NAF1: variants seen among roughly 807,000 people sequenced by gnomAD.
NAF1 encodes the protein nuclear assembly factor 1 ribonucleoprotein, also known as H/ACA ribonucleoprotein complex non-core subunit NAF1.
A neutral mutation model predicts 40.6 loss-of-function variants in NAF1; 11 were observed. That is an observed-to-expected ratio of 0.27 (90% CI 0.17 to 0.45). NAF1 has a LOEUF of 0.45. Ranked by LOEUF, NAF1 falls within the 20% of genes least tolerant of loss-of-function variation. The probability of loss-of-function intolerance (pLI) is 1.00; values close to 1 mark genes in which losing one functional copy is unlikely to be tolerated. For synonymous variants in NAF1, 260 were observed against 228.5 expected (o/e 1.14, Z -1.24); for missense variants, 607 against 611.1 (o/e 0.99, Z 0.07).
At chr4:163,134,878 T>C (rs893167524) in intron 6 of NAF1, 1 of 152,188 alleles carries the variant, frequency 6.6e-6, no homozygotes, top group Non-Finnish European at 1.5e-5. Context: ...TTTAAATAAT[T>C]GAACATCATC....
At chr4:163,125,875 G>A (rs1254657680), downstream of NAF1, among the ~76,000 whole-genome samples, 2 of 152,164 alleles carry the variant, frequency 1.3e-5, no homozygotes, top group Non-Finnish European at 2.9e-5. Flanking sequence ...TGAAGCCAAT[G>A]CTCATTTACA....
In NAF1 at chr4:163,137,343, G is replaced by A. The variant is rs544680489; in HGVS notation, c.879-93C>T. On this transcript the variant is annotated intron_variant, in intron 5 of 7. Transcript: ENST00000274054. ...AAGTACAGAAAATAATAAAGTAAAG[G>A]ACATGAGTTCAACCTTTAATTTTGC... 24 of 1,344,988 alleles carry A rather than the reference G, an allele frequency of 1.8e-5. No homozygotes were observed. In the African/African-American group the frequency reaches 3.0e-4, roughly 17 times the overall value. The allele number at this position is 1,344,988 out of a possible 1,614,324, so 83.3% of individuals were successfully genotyped here.
chr4:163,116,434 T>C (rs570946082), intron 2 of NAF1, among the ~76,000 whole-genome samples: 52 of 152,298 alleles, frequency 3.4e-4, no homozygotes, highest in Middle Eastern at 6.8e-3. Context: ...TATTAAGGCA[T>C]ATATGGGTAT....
intron 2 of NAF1, among the ~76,000 whole-genome samples, chr4:163,153,096 G>A (rs1007268422): frequency 1.2e-4 from 18 of 152,326 alleles, no homozygotes; most frequent in African/African-American, 3.6e-4. Flanking sequence ...GGCAGGGCTC[G>A]GGACCTGCAG....
At chr4:163,136,874 AAAT>A (rs1437038608) in intron 6 of NAF1, among the ~76,000 whole-genome samples, 1 of 152,220 alleles carries the variant, frequency 6.6e-6, no homozygotes, top group Non-Finnish European at 1.5e-5. Flanking sequence ...AATTTTTAAA[AAAT>A]AATGACAGCC....
chr4:163,125,661 A>T (rs990933418), downstream of NAF1, among the ~76,000 whole-genome samples: 3 of 152,230 alleles, frequency 2.0e-5, no homozygotes, highest in Non-Finnish European at 2.9e-5. Flanking sequence ...TGCAAGATGA[A>T]GCTGTAAGTT....
chr4:163,118,501 C>T (rs187770423), intron 2 of NAF1, among the ~76,000 whole-genome samples: 139 of 152,222 alleles, frequency 9.1e-4, no homozygotes, highest in African/African-American at 3.1e-3. Context: ...GCCTGTAATC[C>T]CAGCACTTTG....
chr4:163,159,307 G>A (rs1202000645), intron 2 of NAF1, among the ~76,000 whole-genome samples: 1 of 152,024 alleles, frequency 6.6e-6, no homozygotes, highest in Non-Finnish European at 1.5e-5. Flanking sequence ...AATGAAAAAT[G>A]ATCTTAAGTA....
intron 2 of NAF1, among the ~76,000 whole-genome samples, chr4:163,153,147 G>C (rs1395057309): frequency 6.6e-6 from 1 of 152,210 alleles, no homozygotes; most frequent in African/African-American, 2.4e-5. Context: ...GTGGGTTCCT[G>C]TGCAGCCCGA....
downstream of NAF1, among the ~76,000 whole-genome samples, chr4:163,127,670 T>C (rs910667888): frequency 4.6e-5 from 7 of 152,184 alleles, no homozygotes; most frequent in African/African-American, 1.4e-4. Context: ...AAAGTACTCA[T>C]ATGATAAAGT....
rs757148445 is a variant in NAF1 at position 163,137,172 on chromosome 4, A to G, written c.930+27T>C. 3.7e-6 allele frequency: 6 copies of G among 1,611,282 alleles called. No homozygotes were observed. In the South Asian group the frequency reaches 6.6e-5, roughly 18 times the overall value. ...ATTAAGTCCTGCCCTACTTTATAAA[A>G]TGTTGCATAAAAAGACTTATACTTA... is the stretch of plus-strand genomic sequence containing the variant. On this transcript the variant is annotated intron_variant, in intron 6 of 7. Coordinates refer to ENST00000274054, the MANE Select transcript of NAF1 (RefSeq NM_138386.3).
intron 2 of NAF1, among the ~76,000 whole-genome samples, chr4:163,156,664 A>G (rs577213337): frequency 5.9e-5 from 9 of 152,234 alleles, no homozygotes; most frequent in Non-Finnish European, 1.0e-4. Flanking sequence ...ACATATTCCC[A>G]GGCATTAACA....
chr4:163,161,837 G>GT (rs1399031088), intron 2 of NAF1, among the ~76,000 whole-genome samples: 2 of 152,162 alleles, frequency 1.3e-5, no homozygotes, highest in African/African-American at 4.8e-5. Flanking sequence ...ATTCCATGTG[G>GT]TTTATATAGG....
intron 6 of NAF1, among the ~76,000 whole-genome samples, chr4:163,134,023 C>A (rs192077743): frequency 9.1e-4 from 139 of 152,114 alleles, no homozygotes; most frequent in African/African-American, 3.1e-3. Context: ...TGATCCAACT[C>A]CTAAGAGGAA....
chr4:163,138,298 C>G (rs975096177), intron 5 of NAF1, among the ~76,000 whole-genome samples: 1 of 152,020 alleles, frequency 6.6e-6, no homozygotes, highest in African/African-American at 2.4e-5. Context: ...AAAGCATTTC[C>G]TCAATTGTCA....
intron 7 of NAF1, among the ~76,000 whole-genome samples, chr4:163,131,039 AT>A (rs1373288699): frequency 1.8e-4 from 28 of 152,138 alleles, no homozygotes; most frequent in African/African-American, 6.5e-4. Flanking sequence ...TGCCCAGCTA[AT>A]TTTTGTATTT....
At chr4:163,130,888 C>CT (rs1214172186) in intron 7 of NAF1, among the ~76,000 whole-genome samples, 3 of 152,168 alleles carry the variant, frequency 2.0e-5, no homozygotes, top group African/African-American at 7.2e-5. Context: ...GATAATGACT[C>CT]TTTTTTTAGA....
chr4:163,145,109 G>A (rs1477940074), intron 4 of NAF1, among the ~76,000 whole-genome samples: 1 of 152,104 alleles, frequency 6.6e-6, no homozygotes, highest in Non-Finnish European at 1.5e-5. Flanking sequence ...TTACATTCTT[G>A]ATTTTAGAAT....
At chr4:163,159,093 TTGAA>T (rs1732113148) in intron 2 of NAF1, among the ~76,000 whole-genome samples, 1 of 152,126 alleles carries the variant, frequency 6.6e-6, no homozygotes, top group Non-Finnish European at 1.5e-5. Flanking sequence ...ATCTAAACAA[TTGAA>T]TGTTTCTGTG....
Sources: allele counts gnomAD v4.1 joint callset (sites outside exome capture counted in the v4.1 genomes callset), GRCh38; gene constraint gnomAD v4.1.1; transcripts MANE v1.5; gene names NCBI Gene and HGNC (gene_info 2026-07-23, HGNC 2026-07-21).